Variants in RTL4 observed in about 807,000 individuals in gnomAD.
RTL4 encodes retrotransposon Gag like 4, also known as retrotransposon Gag-like protein 4.
RTL4 carries 4 observed loss-of-function variants against 5.3 expected under a neutral mutation model. The ratio of observed to expected loss-of-function variants is 0.75; its 90% CI spans 0.37 to 1.72. The LOEUF is 1.72. Ranked by LOEUF, RTL4 falls within the 40% of genes most tolerant of loss-of-function variation. The pLI is 0.04. For synonymous variants in RTL4, 98 were observed against 87.3 expected, an observed-to-expected ratio of 1.12 and a Z score of -0.68; for missense variants, 260 against 227.1, an observed-to-expected ratio of 1.14 and a Z score of -0.93.
At chrX:112,212,347 G>A in the RTL4 span, among the ~76,000 whole-genome samples, 1 of 111,866 alleles carries the variant, frequency 8.9e-6, no homozygotes, top group East Asian at 2.8e-4. Context: ...CTGCACTCCA[G>A]CCTGGGCGAC....
the RTL4 span, among the ~76,000 whole-genome samples, chrX:112,145,865 T>A: frequency 9.0e-6 from 1 of 111,525 alleles, no homozygotes; most frequent in South Asian, 3.8e-4. Context: ...GGACACACCC[T>A]CAAAAAAAGC....
the RTL4 span, among the ~76,000 whole-genome samples, chrX:112,310,401 T>TTTA: frequency 1.6e-5 from 1 of 60,907 alleles, no homozygotes; most frequent in African/African-American, 6.2e-5. Flanking sequence ...TATATATATA[T>TTTA]ATATATATAT....
chrX:112,308,935 C>A, the RTL4 span, among the ~76,000 whole-genome samples: 1 of 111,552 alleles, frequency 9.0e-6, no homozygotes, highest in Non-Finnish European at 1.9e-5. Context: ...CAGATTAGAG[C>A]TTTGCTTCCT....
the RTL4 span, among the ~76,000 whole-genome samples, chrX:112,128,489 T>C: frequency 9.1e-6 from 1 of 109,852 alleles, no homozygotes; most frequent in Admixed American, 9.7e-5. Context: ...TGAAACCCTG[T>C]CGCTACTAAA....
At chrX:112,257,138 A>C in the RTL4 span, among the ~76,000 whole-genome samples, 1 of 112,116 alleles carries the variant, frequency 8.9e-6, no homozygotes, top group Non-Finnish European at 1.9e-5. Context: ...AACTTTTATT[A>C]AGTTAAGAAA....
At chrX:112,362,802 T>C in the RTL4 span, among the ~76,000 whole-genome samples, 1 of 111,035 alleles carries the variant, frequency 9.0e-6, no homozygotes, top group East Asian at 2.9e-4. Flanking sequence ...CATCCTGGTT[T>C]TCCTGGACGA....
chrX:112,084,908 CCTGCCCTATCCTGTTT>C, the RTL4 span, among the ~76,000 whole-genome samples: 48 of 112,363 alleles, frequency 4.3e-4, 1 homozygote, highest in Non-Finnish European at 9.4e-5. Flanking sequence ...TTTCTCTGCT[CCTGCCCTATCCTGTTT>C]CTGCCCTATC....
the RTL4 span, among the ~76,000 whole-genome samples, chrX:112,199,460 TG>T: frequency 4.9e-3 from 545 of 110,670 alleles, 6 homozygotes; most frequent in African/African-American, 0.017. Flanking sequence ...AAACCAAATA[TG>T]GGCACATCTT....
At chrX:112,198,134 T>G in the RTL4 span, among the ~76,000 whole-genome samples, 1 of 111,622 alleles carries the variant, frequency 9.0e-6, no homozygotes, top group South Asian at 3.9e-4. Flanking sequence ...GTTGTTACTG[T>G]CCACGGGGGG....
the RTL4 span, among the ~76,000 whole-genome samples, chrX:112,382,788 G>A: frequency 8.9e-6 from 1 of 111,854 alleles, no homozygotes; most frequent in Non-Finnish European, 1.9e-5. Context: ...TCTGATAACA[G>A]CAAGTCCAGT....
the RTL4 span, among the ~76,000 whole-genome samples, chrX:112,249,933 C>T: frequency 2.7e-5 from 3 of 110,545 alleles, no homozygotes; most frequent in Non-Finnish European, 5.7e-5. Flanking sequence ...GAGTCAACTA[C>T]AGCCACCTTT....
the RTL4 span, among the ~76,000 whole-genome samples, chrX:112,424,814 A>G: frequency 9.0e-6 from 1 of 110,743 alleles, no homozygotes; most frequent in Non-Finnish European, 1.9e-5. Context: ...TTGAGCAGAA[A>G]GTACAGAGAG....
the RTL4 span, among the ~76,000 whole-genome samples, chrX:112,434,261 G>A: frequency 9.2e-6 from 1 of 108,507 alleles, no homozygotes; most frequent in East Asian, 2.9e-4. Context: ...ATGAGTTAGG[G>A]AGGATTCCCT....
chrX:112,324,792 T>G, the RTL4 span, among the ~76,000 whole-genome samples: 4 of 111,791 alleles, frequency 3.6e-5, no homozygotes, highest in Non-Finnish European at 7.5e-5. Context: ...TTATAGAATG[T>G]TCCATGTGCA....
the RTL4 span, among the ~76,000 whole-genome samples, chrX:112,410,802 A>G: frequency 2.7e-5 from 3 of 112,183 alleles, no homozygotes; most frequent in Non-Finnish European, 5.6e-5. Context: ...CAAATAAACA[A>G]CATAATGATG....
chrX:112,275,777 A>G, the RTL4 span, among the ~76,000 whole-genome samples: 8 of 111,291 alleles, frequency 7.2e-5, no homozygotes, highest in Non-Finnish European at 1.5e-4. Context: ...GTATAAAAAA[A>G]AATGAAGATT....
the RTL4 span, among the ~76,000 whole-genome samples, chrX:112,389,845 G>T: frequency 1.1e-4 from 12 of 107,202 alleles, no homozygotes; most frequent in Non-Finnish European, 1.9e-4. Flanking sequence ...TAGAGTGTGT[G>T]CCATATGGTG....
chrX:112,420,867 A>G, the RTL4 span, among the ~76,000 whole-genome samples: 19 of 111,705 alleles, frequency 1.7e-4, no homozygotes, highest in Non-Finnish European at 3.4e-4. Flanking sequence ...ACTTATCTAC[A>G]TCTTACATTC....
chrX:112,226,134 A>C, the RTL4 span, among the ~76,000 whole-genome samples: 1 of 112,159 alleles, frequency 8.9e-6, no homozygotes, highest in Non-Finnish European at 1.9e-5. Context: ...GAAGGGGCAG[A>C]GCATTGAATG....
Sources: gnomAD v4.1 joint callset for allele counts (sites outside exome capture counted in the v4.1 genomes callset) on GRCh38, gnomAD v4.1.1 for gene constraint, MANE v1.5 for transcripts, NCBI Gene and HGNC (gene_info 2026-07-23, HGNC 2026-07-21) for gene names.